GRIK3: variants seen among roughly 807,000 people sequenced by gnomAD.
GRIK3 encodes the protein glutamate receptor ionotropic, kainate 3.
In GRIK3, 29 loss-of-function variants were observed where a neutral mutation model predicts 102.5. That is an observed-to-expected ratio of 0.28 (90% CI 0.21 to 0.39). GRIK3 has a LOEUF of 0.39. Among genes scored for constraint, GRIK3 ranks in the 10% least tolerant of loss-of-function variants. GRIK3 has a pLI of 1.00. For missense variants in GRIK3, 908 were observed against 1,252.4 expected (o/e 0.73, Z 4.15); for synonymous variants, 511 against 504.9 (o/e 1.01, Z -0.16).
chr1:36,941,957 G>T (rs2124325136), intron 1 of GRIK3, among the ~76,000 whole-genome samples: 1 of 152,262 alleles, frequency 6.6e-6, no homozygotes, highest in East Asian at 1.9e-4. Context: ...GCAGATGCAG[G>T]AATAGAGGCT....
chr1:36,903,476 C>T (rs1483158941), intron 1 of GRIK3, among the ~76,000 whole-genome samples: 1 of 152,222 alleles, frequency 6.6e-6, no homozygotes, highest in African/African-American at 2.4e-5. Flanking sequence ...CGTATTTACA[C>T]AAAGGAGTTG....
At chr1:36,895,928 T>C (rs1476926923) in intron 1 of GRIK3, among the ~76,000 whole-genome samples, 2 of 152,174 alleles carry the variant, frequency 1.3e-5, no homozygotes, top group African/African-American at 4.8e-5. Flanking sequence ...GAATTACATC[T>C]GACTTCTCTT....
intron 1 of GRIK3, among the ~76,000 whole-genome samples, chr1:36,924,496 G>T (rs956908499): frequency 6.6e-6 from 1 of 152,150 alleles, no homozygotes; most frequent in Non-Finnish European, 1.5e-5. Flanking sequence ...GGAGAGGGGA[G>T]GGGGAGTGGG....
Position 36,997,232 on chromosome 1 carries a change from G to C in GRIK3, c.115+36762C>G, listed in dbSNP as rs112165059. Among the ~76,000 whole-genome samples, 819 of 152,286 alleles carry C rather than the reference G, an allele frequency of 5.4e-3. 10 individuals are homozygous for C. Among genetic ancestry groups the C allele is most frequent in the African/African-American group, 0.019 (772 of 41,560 alleles). On this transcript the variant is annotated intron_variant, in intron 1 of 15. Transcript: ENST00000373091. ...CAGGCCCTGGAAGCAGGAGACAGAG[G>C]GTAGGGGCAGGCACTTTGGGCGTGA...
chr1:36,836,804 T>C (rs1238435183), intron 10 of GRIK3, among the ~76,000 whole-genome samples: 1 of 152,186 alleles, frequency 6.6e-6, no homozygotes, highest in South Asian at 2.1e-4. Flanking sequence ...CTTGCTCTGA[T>C]GCAGGGGGCT....
At chr1:37,022,008 G>T (rs1320440278) in intron 1 of GRIK3, among the ~76,000 whole-genome samples, 1 of 152,186 alleles carries the variant, frequency 6.6e-6, no homozygotes, top group South Asian at 2.1e-4. Context: ...CTCCTGCAAG[G>T]ACACAAAAAC....
chr1:36,831,163 C>A (rs1640287760), intron 10 of GRIK3, among the ~76,000 whole-genome samples: 1 of 152,200 alleles, frequency 6.6e-6, no homozygotes, highest in South Asian at 2.1e-4. Context: ...CAGCACCTGT[C>A]TCACTCTGAA....
At chr1:36,957,757 G>C (rs1392328247) in intron 1 of GRIK3, among the ~76,000 whole-genome samples, 1 of 143,900 alleles carries the variant, frequency 6.9e-6, no homozygotes, top group Non-Finnish European at 1.5e-5. Flanking sequence ...TGTGTGTCCT[G>C]TGAGCATGTG....
At chr1:36,875,096 A>G (rs1640898845) in intron 3 of GRIK3, among the ~76,000 whole-genome samples, 1 of 152,252 alleles carries the variant, frequency 6.6e-6, no homozygotes, top group South Asian at 2.1e-4. Flanking sequence ...CCTAGAAGGC[A>G]TATAGAACAA....
intron 9 of GRIK3, chr1:36,849,774 G>A (rs373646978): frequency 6.5e-6 from 1 of 153,802 alleles, no homozygotes; most frequent in African/African-American, 2.4e-5. Context: ...AACAGGTCAG[G>A]AGAAGGCGGT....
At chr1:36,914,047 C>T (rs946968395) in intron 1 of GRIK3, among the ~76,000 whole-genome samples, 3 of 152,240 alleles carry the variant, frequency 2.0e-5, no homozygotes, top group African/African-American at 7.2e-5. Context: ...GTCTCTAGCT[C>T]CTTGTTTACC....
intron 1 of GRIK3, among the ~76,000 whole-genome samples, chr1:36,920,836 A>G (rs1390607766): frequency 6.6e-6 from 1 of 152,314 alleles, no homozygotes; most frequent in East Asian, 1.9e-4. Flanking sequence ...ATGGGCAAAA[A>G]GAGGCTCCAT....
chr1:36,935,510 T>A (rs1451718030), intron 1 of GRIK3, among the ~76,000 whole-genome samples: 1 of 152,086 alleles, frequency 6.6e-6, no homozygotes, highest in Admixed American at 6.6e-5. Flanking sequence ...GCTCTGTATC[T>A]GGGGAAAGCA....
At chr1:36,809,094 G>A (rs552302831) in intron 13 of GRIK3, among the ~76,000 whole-genome samples, 1 of 152,144 alleles carries the variant, frequency 6.6e-6, no homozygotes, top group African/African-American at 2.4e-5. Context: ...GGTAGATGAA[G>A]CAATCAGACC....
chr1:36,861,272 AC>A (rs1468873011), intron 5 of GRIK3, among the ~76,000 whole-genome samples: 2 of 152,158 alleles, frequency 1.3e-5, no homozygotes, highest in African/African-American at 4.8e-5. Context: ...ATATACTTGC[AC>A]AGTCTAGATT....
chr1:36,881,871 C>T (rs1033248542), intron 2 of GRIK3, among the ~76,000 whole-genome samples: 1 of 152,172 alleles, frequency 6.6e-6, no homozygotes, highest in Non-Finnish European at 1.5e-5. Flanking sequence ...TCTTTCCCTC[C>T]CTCAAAGCAT....
chr1:36,824,749 C>G (rs367825091), intron 11 of GRIK3, among the ~76,000 whole-genome samples: 5 of 152,076 alleles, frequency 3.3e-5, no homozygotes, highest in African/African-American at 9.6e-5. Flanking sequence ...GGGGAGCGGG[C>G]CCCAGCAGCC....
intron 1 of GRIK3, among the ~76,000 whole-genome samples, chr1:36,926,833 T>C (rs1641532997): frequency 6.6e-6 from 1 of 152,210 alleles, no homozygotes; most frequent in African/African-American, 2.4e-5. Flanking sequence ...CAAGAAAAGA[T>C]ATTATTAGCT....
chr1:36,881,935 C>A (rs150629640), intron 2 of GRIK3, among the ~76,000 whole-genome samples: 44 of 152,230 alleles, frequency 2.9e-4, no homozygotes, highest in African/African-American at 1.0e-3. Context: ...TGCATTCCTG[C>A]CTATTTGCAC....
Sources: gnomAD v4.1 joint callset for allele counts (sites outside exome capture counted in the v4.1 genomes callset) on GRCh38, gnomAD v4.1.1 for gene constraint, MANE v1.5 for transcripts, NCBI Gene and HGNC (gene_info 2026-07-23, HGNC 2026-07-21) for gene names.